Variants in BSND observed in about 807,000 individuals in gnomAD.
The protein encoded by BSND is barttin CLCNK type accessory subunit beta.
In BSND, 13 loss-of-function variants were observed where a neutral mutation model predicts 18.8. That is an observed-to-expected ratio of 0.69 (90% CI 0.45 to 1.10). The LOEUF (loss-of-function observed/expected upper bound fraction) is 1.10. Among genes scored for constraint, BSND ranks in the 50% least tolerant of loss-of-function variants. The pLI, the probability that BSND is intolerant of heterozygous loss-of-function variation, is 0.00. For synonymous variants in BSND, 170 were observed against 161.8 expected (o/e 1.05, Z -0.39); for missense variants, 379 against 416.7 (o/e 0.91, Z 0.79).
Position 55,011,757 on chromosome 1 carries a change from G to A in BSND, c.*3129G>A, listed in dbSNP as rs1410696654. 1 of 152,178 alleles carries A rather than the reference G, an allele frequency of 6.6e-6. No homozygotes were observed. The highest frequency in any genetic ancestry group is 2.4e-5 in the African/African-American group (1 of 41,432). The allele number at this position is 152,178 out of a possible 1,614,324, so 9.4% of individuals were successfully genotyped here. On this transcript the variant is annotated 3_prime_UTR_variant, in exon 4 of 4. Transcript: ENST00000651561. Reference sequence around the variant, plus strand: ...TGGGTGTCTTCTTCAACCTTATCTAGGATAAAATAAAATCATAAAACACTG... The same window carrying A: ...TGGGTGTCTTCTTCAACCTTATCTAAGATAAAATAAAATCATAAAACACTG...
chr1:55,008,801 C>A lies in BSND; in HGVS notation c.*173C>A. On this transcript the variant is annotated 3_prime_UTR_variant, in exon 4 of 4. Coordinates refer to ENST00000651561, the MANE Select transcript of BSND (RefSeq NM_057176.3). ...GGAGGGGATGATGACTATTAGTGGA[C>A]TCTTGTTTTTCCAATAGTTAGTGGT... 9.9e-7 allele frequency: 1 copy of A among 1,008,686 alleles called. No homozygotes were observed. The highest frequency in any genetic ancestry group is 1.5e-6 in the Non-Finnish European group (1 of 679,910). 62.5% of individuals were successfully genotyped at this position (1,008,686 alleles called of 1,614,324 possible).
chr1:55,001,819 T>C (rs1421975364), intron 1 of BSND, among the ~76,000 whole-genome samples: 1 of 151,894 alleles, frequency 6.6e-6, no homozygotes, highest in East Asian at 1.9e-4. Context: ...GGGAAAGACA[T>C]TCCAGGCAGA....
At chr1:55,006,126 G>C (rs1644390559) in intron 2 of BSND, among the ~76,000 whole-genome samples, 1 of 152,206 alleles carries the variant, frequency 6.6e-6, no homozygotes, top group East Asian at 1.9e-4. Context: ...CTTGGGGAAG[G>C]GGTTCATAAT....
intron 2 of BSND, 34 bp downstream of exon 2, chr1:55,005,150 A>C (rs1478012532): frequency 4.4e-6 from 7 of 1,600,272 alleles, no homozygotes; most frequent in Non-Finnish European, 6.0e-6. Context: ...GGGGAGGAGT[A>C]AGCCCCATAG....
In BSND at chr1:55,016,809, T is replaced by C. The variant is rs1424077090; in HGVS notation, c.*8181T>C. On this transcript the variant is annotated 3_prime_UTR_variant, in exon 4 of 4. Transcript: ENST00000651561. Reference sequence around the variant, plus strand: ...TATACTTACAGAAGGCAGTTTATCATAGCGTTGATGATGGTAGATGAAATG... The same window carrying C: ...TATACTTACAGAAGGCAGTTTATCACAGCGTTGATGATGGTAGATGAAATG... 6.6e-6 allele frequency among the ~76,000 whole-genome samples: 1 copy of C among 152,188 alleles called. No homozygotes were observed. Among genetic ancestry groups the C allele is most frequent in the East Asian group, 1.9e-4 (1 of 5,194 alleles).
At position 55,013,016 on chromosome 1, in the gene BSND, A is replaced by G. The variant is rs1286066384; in HGVS notation, c.*4388A>G. Among the ~76,000 whole-genome samples, 1 of 152,090 alleles carries G rather than the reference A, an allele frequency of 6.6e-6. No homozygotes were observed. Among genetic ancestry groups the G allele is most frequent in the Non-Finnish European group, 1.5e-5 (1 of 68,028 alleles). On this transcript the variant is annotated 3_prime_UTR_variant, in exon 4 of 4. Transcript: ENST00000651561. Reference sequence around the variant, plus strand: ...AGGGGAGAAACTGATATTCAAACATAGGTCCTCTGAGCCTGTGCTCTTCCC... The same window carrying G: ...AGGGGAGAAACTGATATTCAAACATGGGTCCTCTGAGCCTGTGCTCTTCCC...
chr1:55,008,214 C>T lies in BSND; in HGVS notation c.549C>T (p.Gly183=). Residue 183 remains glycine (G), a splice_region_variant and synonymous_variant, in exon 4 of 4, where the codon GGC becomes GGT. Coordinates refer to ENST00000651561, the MANE Select transcript of BSND (RefSeq NM_057176.3). ...GERRLTQSWP[G]PLACPQGPAP... ...GCCCTTGTGGTCTTTGTCCCTGCAG[C>T]CCCCTGGCCTGTCCCCAGGGCCCTG... 2.5e-6 allele frequency: 4 copies of T among 1,613,524 alleles called. No individual in the cohort carries two copies. The highest frequency in any genetic ancestry group is 3.4e-6 in the Non-Finnish European group (4 of 1,179,502).
At chr1:55,006,192 G>A (rs932291669) in intron 2 of BSND, among the ~76,000 whole-genome samples, 1 of 152,188 alleles carries the variant, frequency 6.6e-6, no homozygotes, top group Admixed American at 6.5e-5. Flanking sequence ...GGAAGGAAGG[G>A]GATAGACCCT....
Position 55,008,141 on chromosome 1 carries a change from C to T in BSND, c.549-73C>T. 3.0e-6 allele frequency: 4 copies of T among 1,334,168 alleles called. No individual in the cohort carries two copies. The South Asian group carries it at 4.8e-5, about 16-fold the overall frequency. The allele number at this position is 1,334,168 out of a possible 1,614,324, so 82.6% of individuals were successfully genotyped here. A position where few individuals can be genotyped will look rare whatever the true frequency, so the allele number is the denominator to read the frequency against. ...GATTATCCTACCCTAGGTCTTGCAG[C>T]TAGCGGCTGGAATGTGGACCCAGGC... is the stretch of plus-strand genomic sequence containing the variant. On this transcript the variant is annotated intron_variant, in intron 3 of 3. Transcript: ENST00000651561.
Position 55,013,012 on chromosome 1 carries a change from A to G in BSND, c.*4384A>G, listed in dbSNP as rs1028214044. On this transcript the variant is annotated 3_prime_UTR_variant, in exon 4 of 4. Coordinates refer to ENST00000651561, the MANE Select transcript of BSND (RefSeq NM_057176.3). ...TACCAGGGGAGAAACTGATATTCAA[A>G]CATAGGTCCTCTGAGCCTGTGCTCT... is the stretch of plus-strand genomic sequence containing the variant. Among the ~76,000 whole-genome samples the G allele has an allele frequency of 2.6e-5, 4 of 152,132 alleles. No homozygotes were observed. The highest frequency in any genetic ancestry group is 5.9e-5 in the Non-Finnish European group (4 of 68,026).
At chr1:55,004,184 T>G (rs1421489094) in intron 1 of BSND, among the ~76,000 whole-genome samples, 1 of 152,238 alleles carries the variant, frequency 6.6e-6, no homozygotes, top group African/African-American at 2.4e-5. Flanking sequence ...TAAGGCTGAA[T>G]AGTATTTCAT....
chr1:55,005,373 C>T (rs1185780680), intron 2 of BSND, among the ~76,000 whole-genome samples: 2 of 152,178 alleles, frequency 1.3e-5, no homozygotes, highest in Non-Finnish European at 2.9e-5. Flanking sequence ...TACAAGATCT[C>T]CATGAAACAA....
Position 55,008,227 on chromosome 1 carries a change from C to T in BSND, c.562C>T (p.Pro188Ser). The change falls in exon 4 of 4, where the codon CCC becomes TCC. Residue 188 changes from proline to serine, a missense_variant. By Grantham distance (74) the Pro-to-Ser change is moderately conservative. Coordinates refer to ENST00000651561, the MANE Select transcript of BSND (RefSeq NM_057176.3). ...TQSWPGPLAC[P>S]QGPAPLASFQ... ...TTGTCCCTGCAGCCCCCTGGCCTGTCCCCAGGGCCCTGCCCCCTTGGCTTC... is the reference window on the plus strand; with the variant it reads ...TTGTCCCTGCAGCCCCCTGGCCTGTTCCCAGGGCCCTGCCCCCTTGGCTTC... The T allele has an allele frequency of 6.2e-7, 1 of 1,614,098 alleles. No homozygotes were observed. Among genetic ancestry groups the T allele is most frequent in the Non-Finnish European group, 8.5e-7 (1 of 1,179,980 alleles).
intron 1 of BSND, among the ~76,000 whole-genome samples, chr1:55,000,649 G>A (rs1473002593): frequency 1.3e-5 from 2 of 152,244 alleles, no homozygotes; most frequent in Non-Finnish European, 2.9e-5. Context: ...CCCCCTCCAC[G>A]GGCCAACCCT....
At chr1:55,005,304 T>C (rs1336899363) in intron 2 of BSND, among the ~76,000 whole-genome samples, 188 bp downstream of exon 2, 2 of 152,318 alleles carry the variant, frequency 1.3e-5, no homozygotes, top group East Asian at 3.9e-4. Context: ...ATTGTACAGA[T>C]GAGGAAACTG....
At position 55,008,668 on chromosome 1, in the gene BSND, T is replaced by C. The variant is rs375969225; in HGVS notation, c.*40T>C. 2.7e-5 allele frequency: 43 copies of C among 1,613,700 alleles called. No individual in the cohort carries two copies. The highest frequency in any genetic ancestry group is 8.3e-5 in the Admixed American group (5 of 60,010). On this transcript the variant is annotated 3_prime_UTR_variant, in exon 4 of 4. Coordinates refer to ENST00000651561, the MANE Select transcript of BSND (RefSeq NM_057176.3). ...GTAGCTTCTAGTCTGGAACTGCTGC[T>C]GACCCCTGTGTGACATCACAGGGCC...
At position 54,998,966 on chromosome 1, in the gene BSND, G is replaced by A. The variant is rs1428389718; in HGVS notation, c.-221G>A. 3.4e-6 allele frequency: 2 copies of A among 582,590 alleles called. No homozygotes were observed. Among genetic ancestry groups the A allele is most frequent in the Non-Finnish European group, 6.1e-6 (2 of 327,558 alleles). The allele number at this position is 582,590 out of a possible 1,614,324, so 36.1% of individuals were successfully genotyped here. On this transcript the variant is annotated 5_prime_UTR_variant, in exon 1 of 4. Transcript: ENST00000651561. The stretch of plus-strand genomic sequence containing the variant: ...GGTGAGAGGGCAAGGAGTAAAGGTG[G>A]CTGGGTGTGGGTCCGTTGAAGCGAG...
At position 55,008,259 on chromosome 1, in the gene BSND, A is replaced by G. The variant is rs765819444; in HGVS notation, c.594A>G (p.Gln198=). The G allele has an allele frequency of 8.1e-6, 13 of 1,614,186 alleles. 1 individual carries two copies. In the South Asian group the frequency reaches 1.3e-4, roughly 16 times the overall value. Residue 198 remains glutamine, a synonymous_variant, in exon 4 of 4, where the codon CAA becomes CAG. Coordinates refer to ENST00000651561, the MANE Select transcript of BSND (RefSeq NM_057176.3). ...PQGPAPLASF[Q]DDLDMDSSEG... is the part of the protein sequence containing the mutation. ...GCCCTGCCCCCTTGGCTTCCTTCCA[A>G]GATGACCTGGACATGGACTCCAGTG...
At position 55,008,653 on chromosome 1, in the gene BSND, G is replaced by A. The variant is rs1171426554; in HGVS notation, c.*25G>A. On this transcript the variant is annotated 3_prime_UTR_variant, in exon 4 of 4. Coordinates refer to ENST00000651561, the MANE Select transcript of BSND (RefSeq NM_057176.3). ...AGATGTTTGTGCTCCGTAGCTTCTA[G>A]TCTGGAACTGCTGCTGACCCCTGTG... 22 of 1,613,790 alleles carry A rather than the reference G, an allele frequency of 1.4e-5. No individual in the cohort carries two copies. The highest frequency in any genetic ancestry group is 4.0e-5 in the African/African-American group (3 of 74,912).
Sources: allele counts gnomAD v4.1 joint callset (sites outside exome capture counted in the v4.1 genomes callset), GRCh38; gene constraint gnomAD v4.1.1; transcripts MANE v1.5; gene names NCBI Gene and HGNC (gene_info 2026-07-23, HGNC 2026-07-21).